The following CUL3 variants were observed in gnomAD, a reference collection of about 807,000 sequenced individuals.
CUL3 encodes cullin-3.
In CUL3, 19 loss-of-function variants were observed where a neutral mutation model predicts 89.1. That is an observed-to-expected ratio of 0.21 (90% confidence interval 0.15 to 0.31). The LOEUF is 0.31. Among genes scored for constraint, CUL3 ranks in the 10% least tolerant of loss-of-function variants. The pLI is 1.00. For synonymous variants in CUL3, 351 were observed against 308.4 expected (o/e 1.14, Z -1.45); for missense variants, 469 against 942.3 (o/e 0.50, Z 6.58).
chr2:224,562,373 C>T (rs1229293249), intron 1 of CUL3, among the ~76,000 whole-genome samples: 5 of 151,962 alleles, frequency 3.3e-5, no homozygotes, highest in Non-Finnish European at 7.4e-5. Context: ...CACAGTGGCT[C>T]CCGCCTGTAA....
intron 5 of CUL3, among the ~76,000 whole-genome samples, chr2:224,512,800 A>G (rs1358574878): frequency 1.3e-5 from 2 of 152,346 alleles, no homozygotes; most frequent in Admixed American, 6.5e-5. Context: ...TAGTACTTAA[A>G]TAATTTATAA....
chr2:224,477,745 A>G (rs1691377201), intron 15 of CUL3, among the ~76,000 whole-genome samples: 1 of 152,078 alleles, frequency 6.6e-6, no homozygotes. Context: ...CTACTTCCCA[A>G]TTATCTTGAT....
chr2:224,576,003 A>T (rs1559243160), intron 1 of CUL3, among the ~76,000 whole-genome samples: 3 of 152,226 alleles, frequency 2.0e-5, no homozygotes, highest in Non-Finnish European at 4.4e-5. Context: ...TCTGTGAGGA[A>T]TGTATTAACA....
In CUL3 at chr2:224,472,067, A is replaced by G; in HGVS notation, c.*2178T>C. ...AATACTTATGCAGTCAAACATATAA[A>G]CATTTTGTGTGACCAGTTTTTTCAG... On this transcript the variant is annotated 3_prime_UTR_variant, in exon 16 of 16. Coordinates refer to ENST00000264414, the MANE Select transcript of CUL3 (RefSeq NM_003590.5). The G allele has an allele frequency of 8.7e-6, 2 of 230,410 alleles. No homozygotes were observed. The highest frequency in any genetic ancestry group is 1.7e-5 in the Non-Finnish European group (2 of 116,336). The allele number at this position is 230,410 out of a possible 1,614,324, so 14.3% of individuals were successfully genotyped here. A position where few individuals can be genotyped will look rare whatever the true frequency, so the allele number is the denominator to read the frequency against.
intron 3 of CUL3, among the ~76,000 whole-genome samples, chr2:224,529,140 A>G (rs1693592513): frequency 6.6e-6 from 1 of 152,176 alleles, no homozygotes; most frequent in Non-Finnish European, 1.5e-5. Context: ...TGAACCAAAT[A>G]TTAATAAATA....
intron 6 of CUL3, among the ~76,000 whole-genome samples, chr2:224,509,070 G>C (rs1692714975): frequency 6.6e-6 from 1 of 151,694 alleles, no homozygotes; most frequent in Non-Finnish European, 1.5e-5. Flanking sequence ...TTCATTTTCT[G>C]ATTTATGAGA....
chr2:224,582,179 T>A (rs945947437), intron 1 of CUL3, among the ~76,000 whole-genome samples: 2 of 152,130 alleles, frequency 1.3e-5, no homozygotes, highest in African/African-American at 4.8e-5. Flanking sequence ...TTGGCCCGGC[T>A]GGTCTCAAAG....
chr2:224,549,432 T>C (rs1694428091), intron 2 of CUL3, among the ~76,000 whole-genome samples: 1 of 152,130 alleles, frequency 6.6e-6, no homozygotes, highest in Non-Finnish European at 1.5e-5. Flanking sequence ...CCTAAACTTA[T>C]CAAGACACAT....
At chr2:224,569,618 T>C in intron 1 of CUL3, 1 of 738,954 alleles carries the variant, frequency 1.4e-6, no homozygotes, top group Non-Finnish European at 1.7e-6. Flanking sequence ...TTACATTACT[T>C]CAGATGATAT....
In CUL3 at chr2:224,585,097, ACGCTGGGGGCGG is replaced by A. The variant is rs1370912881; in HGVS notation, c.-100_-89del. On this transcript the variant is annotated 5_prime_UTR_variant, in exon 1 of 16. Transcript: ENST00000264414. ...AAGGCGGGCAGGCAGGCTAGGGGCG[ACGCTGGGGGCGG>A]CGGCGGCGCGACCCCCGGGCAGGGC... 5 of 1,090,550 alleles carry A rather than the reference ACGCTGGGGGCGG, an allele frequency of 4.6e-6. No homozygotes were observed. Among genetic ancestry groups the A allele is most frequent in the Non-Finnish European group, 3.7e-6 (3 of 821,188 alleles). 67.6% of individuals were successfully genotyped at this position (1,090,550 alleles called of 1,614,324 possible).
At chr2:224,513,772 A>C in intron 4 of CUL3, 134 bp from the exon 5 acceptor site, 1 of 589,566 alleles carries the variant, frequency 1.7e-6, no homozygotes, top group East Asian at 3.1e-5. Context: ...CCAATAGGCC[A>C]CTCATGTAAA....
intron 2 of CUL3, among the ~76,000 whole-genome samples, chr2:224,539,501 C>A (rs1694015807): frequency 1.3e-5 from 2 of 152,298 alleles, no homozygotes; most frequent in South Asian, 2.1e-4. Context: ...ACCCCACACA[C>A]AAGTGTTTAA....
chr2:224,540,894 T>TG (rs1694078506), intron 2 of CUL3, among the ~76,000 whole-genome samples: 3 of 152,116 alleles, frequency 2.0e-5, no homozygotes, highest in Non-Finnish European at 4.4e-5. Flanking sequence ...CACTTATGAG[T>TG]GAGAAGAGCC....
chr2:224,479,297 T>G (rs1323660115), intron 14 of CUL3: 2 of 151,242 alleles, frequency 1.3e-5, no homozygotes, highest in Non-Finnish European at 3.0e-5. Flanking sequence ...TAGAATCCTT[T>G]GGATAAAAAT....
chr2:224,538,521 A>G (rs1244967748), intron 2 of CUL3, among the ~76,000 whole-genome samples: 1 of 152,224 alleles, frequency 6.6e-6, no homozygotes, highest in African/African-American at 2.4e-5. Context: ...ATGGCCTAAC[A>G]CAATCACCTA....
intron 14 of CUL3, 31 bp from the exon 15 acceptor site, chr2:224,478,376 A>G: frequency 6.3e-7 from 1 of 1,583,544 alleles, no homozygotes; most frequent in South Asian, 1.2e-5. Flanking sequence ...TTTATCATAA[A>G]TCTAATTTTA....
intron 3 of CUL3, among the ~76,000 whole-genome samples, chr2:224,522,345 C>T (rs1042678915): frequency 3.3e-5 from 5 of 152,076 alleles, no homozygotes; most frequent in Admixed American, 1.3e-4. Context: ...ATAATTAGAT[C>T]GAAGTTTAAA....
chr2:224,493,330 T>C (rs1348732068), intron 13 of CUL3, among the ~76,000 whole-genome samples: 1 of 152,194 alleles, frequency 6.6e-6, no homozygotes, highest in Non-Finnish European at 1.5e-5. Flanking sequence ...GTGGAGGTGA[T>C]TTCTTTAAAA....
At chr2:224,495,544 C>A in intron 13 of CUL3, 1 of 209,078 alleles carries the variant, frequency 4.8e-6, no homozygotes. Flanking sequence ...TATTTTCGGG[C>A]AATATTCTTG....
Sources: gnomAD v4.1 joint callset for allele counts (sites outside exome capture counted in the v4.1 genomes callset) on GRCh38, gnomAD v4.1.1 for gene constraint, MANE v1.5 for transcripts, NCBI Gene and HGNC (gene_info 2026-07-23, HGNC 2026-07-21) for gene names.